FAM117B: variants seen among roughly 807,000 people sequenced by gnomAD.
FAM117B encodes the protein family with sequence similarity 117 member B, also known as protein FAM117B.
FAM117B carries 22 observed loss-of-function variants against 52.8 expected under a neutral mutation model. The observed-to-expected ratio is 0.42, with a 90% CI of 0.30 to 0.59. The LOEUF is 0.59. FAM117B is among the 20% of genes least tolerant of loss of function. FAM117B has a pLI of 0.22. For synonymous variants in FAM117B, 309 were observed against 324.1 expected (o/e 0.95, Z 0.50); for missense variants, 678 against 802.6 (o/e 0.84, Z 1.88).
intron 2 of FAM117B, among the ~76,000 whole-genome samples, chr2:202,716,584 GT>G (rs1379953528): frequency 6.6e-6 from 1 of 151,954 alleles, no homozygotes; most frequent in East Asian, 1.9e-4. Context: ...ACAAGGCCCC[GT>G]TTGAATAAAC....
At chr2:202,652,340 A>G (rs1439005268) in intron 1 of FAM117B, among the ~76,000 whole-genome samples, 1 of 151,982 alleles carries the variant, frequency 6.6e-6, no homozygotes, top group Non-Finnish European at 1.5e-5. Context: ...GCTTCAGACA[A>G]TCCTCTTTCT....
intron 4 of FAM117B, among the ~76,000 whole-genome samples, chr2:202,742,020 TAAG>T (rs1559113702): frequency 1.3e-5 from 2 of 152,170 alleles, no homozygotes; most frequent in South Asian, 2.1e-4. Flanking sequence ...TGGGGAAAAT[TAAG>T]AACACTTTTG....
At chr2:202,748,841 G>A (rs537924677) in intron 4 of FAM117B, among the ~76,000 whole-genome samples, 28 of 152,050 alleles carry the variant, frequency 1.8e-4, no homozygotes, top group Non-Finnish European at 2.8e-4. Context: ...GATACCCTGC[G>A]CTCACATGTT....
Position 202,746,297 on chromosome 2 carries a change from A to C in FAM117B, c.961-9241A>C, listed in dbSNP as rs548943955. Reference sequence around the variant, plus strand: ...GAATCACAGACTAGAACTAGGAATCAGTAACAAGAAGGAAATTTGGAAACT... The same window carrying C: ...GAATCACAGACTAGAACTAGGAATCCGTAACAAGAAGGAAATTTGGAAACT... On this transcript the variant is annotated intron_variant, in intron 4 of 7. Coordinates refer to ENST00000392238, the MANE Select transcript of FAM117B (RefSeq NM_173511.4). 3.0e-4 allele frequency among the ~76,000 whole-genome samples: 46 copies of C among 152,322 alleles called. 1 individual carries two copies. The highest frequency in any genetic ancestry group is 1.0e-3 in the African/African-American group (42 of 41,592).
chr2:202,653,005 C>T (rs1317106504), intron 1 of FAM117B, among the ~76,000 whole-genome samples: 1 of 152,136 alleles, frequency 6.6e-6, no homozygotes, highest in East Asian at 1.9e-4. Flanking sequence ...TGGCTCATGC[C>T]TGTAATCCTA....
intron 7 of FAM117B, among the ~76,000 whole-genome samples, chr2:202,764,026 T>G (rs1436422610): frequency 6.6e-6 from 1 of 152,216 alleles, no homozygotes; most frequent in Non-Finnish European, 1.5e-5. Flanking sequence ...TCTTCTGTGC[T>G]GTGGACAGCT....
intron 4 of FAM117B, among the ~76,000 whole-genome samples, chr2:202,733,678 T>A (rs1691394238): frequency 6.6e-6 from 1 of 152,222 alleles, no homozygotes; most frequent in Non-Finnish European, 1.5e-5. Flanking sequence ...AGAACTTTGG[T>A]TGTCTTCCCT....
chr2:202,635,178 G>T lies in FAM117B; in HGVS notation c.-10G>T, dbSNP rs957018031. On this transcript the variant is annotated 5_prime_UTR_variant, in exon 1 of 8. Transcript: ENST00000392238. The stretch of plus-strand genomic sequence containing the variant: ...CCCGTCTCGCCCAGTCACCGGGGAG[G>T]GGGGGGACCATGTCCCAGCGGGTGA... 33 of 1,274,492 alleles carry T rather than the reference G, an allele frequency of 2.6e-5. No homozygotes were observed. In the African/African-American group the frequency reaches 3.3e-4, roughly 13 times the overall value. The allele number at this position is 1,274,492 out of a possible 1,614,324, so 78.9% of individuals were successfully genotyped here.
intron 4 of FAM117B, among the ~76,000 whole-genome samples, chr2:202,748,310 C>T (rs757732362): frequency 2.0e-5 from 3 of 152,058 alleles, no homozygotes; most frequent in Non-Finnish European, 4.4e-5. Flanking sequence ...AAAGGTAAGA[C>T]CCAAAACTAC....
intron 1 of FAM117B, among the ~76,000 whole-genome samples, chr2:202,694,392 T>C (rs1690678040): frequency 6.6e-6 from 1 of 151,808 alleles, no homozygotes; most frequent in Non-Finnish European, 1.5e-5. Flanking sequence ...GGTTTCGCCA[T>C]GTTGGCCAGG....
intron 2 of FAM117B, among the ~76,000 whole-genome samples, chr2:202,704,458 C>CT (rs992215239): frequency 3.9e-5 from 6 of 152,122 alleles, no homozygotes; most frequent in Admixed American, 3.9e-4. Context: ...ACCTGGGGCA[C>CT]TTTTAGCAGT....
chr2:202,659,813 G>A (rs1278596149), intron 1 of FAM117B, among the ~76,000 whole-genome samples: 2 of 151,484 alleles, frequency 1.3e-5, no homozygotes, highest in East Asian at 3.9e-4. Flanking sequence ...TAGAGATGGG[G>A]TTTTACCATG....
At chr2:202,685,806 T>C (rs754636606) in intron 1 of FAM117B, among the ~76,000 whole-genome samples, 3 of 152,104 alleles carry the variant, frequency 2.0e-5, no homozygotes, top group Non-Finnish European at 4.4e-5. Flanking sequence ...GACCTACATA[T>C]GAAGGGTAAA....
chr2:202,636,736 G>A (rs1374485909), intron 1 of FAM117B, among the ~76,000 whole-genome samples: 2 of 152,062 alleles, frequency 1.3e-5, no homozygotes, highest in Non-Finnish European at 2.9e-5. Flanking sequence ...CCTTGTCTGG[G>A]GAACTTCTGT....
At chr2:202,761,507 G>GT (rs1300063730) in intron 7 of FAM117B, among the ~76,000 whole-genome samples, 8 of 151,930 alleles carry the variant, frequency 5.3e-5, no homozygotes, top group Admixed American at 4.6e-4. Flanking sequence ...ACATGGTTGG[G>GT]TTTTTTGTTT....
intron 3 of FAM117B, chr2:202,725,296 A>ATT: frequency 1.3e-5 from 2 of 159,756 alleles, no homozygotes; most frequent in Non-Finnish European, 1.1e-5. Flanking sequence ...ATTCACATTT[A>ATT]TTCTTTTTTT....
At chr2:202,696,103 G>A in intron 2 of FAM117B, 71 bp downstream of exon 2, 3 of 1,481,248 alleles carry the variant, frequency 2.0e-6, no homozygotes, top group Non-Finnish European at 2.8e-6. Flanking sequence ...TATTTGTTCT[G>A]CTTTGAGTAG....
intron 2 of FAM117B, among the ~76,000 whole-genome samples, chr2:202,700,912 C>G (rs1164012644): frequency 1.3e-5 from 2 of 152,130 alleles, no homozygotes; most frequent in Non-Finnish European, 2.9e-5. Context: ...GTTGACCAGG[C>G]TGGTCTTGAA....
intron 1 of FAM117B, among the ~76,000 whole-genome samples, chr2:202,657,571 C>T (rs2105759720): frequency 6.6e-6 from 1 of 152,252 alleles, no homozygotes; most frequent in East Asian, 1.9e-4. Flanking sequence ...CGGTGGTAGC[C>T]TTGACTTCCC....
Sources: allele counts gnomAD v4.1 joint callset (sites outside exome capture counted in the v4.1 genomes callset), GRCh38; gene constraint gnomAD v4.1.1; transcripts MANE v1.5; gene names NCBI Gene and HGNC (gene_info 2026-07-23, HGNC 2026-07-21).